SPATA22: variants seen among roughly 807,000 people sequenced by gnomAD.
SPATA22 encodes the protein spermatogenesis-associated protein 22.
A neutral mutation model predicts 47.8 loss-of-function variants in SPATA22; 29 were observed. That is an observed-to-expected ratio of 0.61 (90% CI 0.45 to 0.83). The LOEUF is 0.83. Among genes scored for constraint, SPATA22 ranks in the 40% least tolerant of loss-of-function variants. The pLI is 0.00. For missense variants in SPATA22, 410 were observed against 421.7 expected (o/e 0.97, Z 0.24); for synonymous variants, 133 against 140.9 (o/e 0.94, Z 0.40).
rs2072564841 is a variant in SPATA22 at position 3,440,155 on chromosome 17, C to A, written c.1084G>T (p.Glu362Ter). ...CTTCCTTTTATCACTACTTAAGTTT[C>A]ATTCATCACATTAATATAATACTGC... is the stretch of plus-strand genomic sequence containing the variant. ...EMQYYINVMNET is the reference protein window; with the variant it reads ...EMQYYINVMN The change falls in exon 9 of 9, where the codon GAA becomes TAA. Residue 362 changes from glutamate (E) to a stop codon, truncating the protein, a stop_gained. Transcript: ENST00000572969. LOFTEE classifies it high-confidence loss of function. The A allele has an allele frequency of 1.3e-6, 2 of 1,549,914 alleles. No homozygotes were observed. Among genetic ancestry groups the A allele is most frequent in the South Asian group, 1.2e-5 (1 of 80,788 alleles).
chr17:3,482,662 T>C (rs2073650569), intron 1 of SPATA22, among the ~76,000 whole-genome samples: 1 of 152,204 alleles, frequency 6.6e-6, no homozygotes, highest in Admixed American at 6.5e-5. Context: ...ATTTAAAACA[T>C]TTAGCCTCAT....
chr17:3,462,401 A>T (rs1031735440), intron 5 of SPATA22, 82 bp downstream of exon 5: 1 of 916,352 alleles, frequency 1.1e-6, no homozygotes, highest in Non-Finnish European at 1.7e-6. Context: ...GAAACAACGA[A>T]GTGAAGGAGG....
upstream of SPATA22, chr17:3,472,495 C>T (rs997490407): frequency 3.3e-5 from 5 of 152,280 alleles, no homozygotes; most frequent in African/African-American, 1.2e-4. Context: ...TCTGGACCTA[C>T]CAGTAAAAGA....
At chr17:3,504,366 C>T (rs911176346) in intron 1 of SPATA22, among the ~76,000 whole-genome samples, 1 of 152,116 alleles carries the variant, frequency 6.6e-6, no homozygotes, top group Non-Finnish European at 1.5e-5. Context: ...TCATCTTCCA[C>T]CAATGGCCCT....
Position 3,448,878 on chromosome 17 carries a change from T to C in SPATA22, c.601A>G (p.Lys201Glu). Residue 201 changes from lysine (K) to glutamate (E), a missense_variant, in exon 6 of 9, where the codon AAG becomes GAG. Coordinates refer to ENST00000572969, the MANE Select transcript of SPATA22 (RefSeq NM_001170698.2). ...LDKNSALQTL[K>E]PNFQQNQYKK... ...TATTGATTTTGTTGAAAATTGGGCTTAAGTGTCTGTAGTGCACTGTTTTTG... is the reference window on the plus strand; with the variant it reads ...TATTGATTTTGTTGAAAATTGGGCTCAAGTGTCTGTAGTGCACTGTTTTTG... 2 of 1,613,812 alleles carry C rather than the reference T, an allele frequency of 1.2e-6. No homozygotes were observed. The highest frequency in any genetic ancestry group is 1.7e-6 in the Non-Finnish European group (2 of 1,179,890).
chr17:3,445,661 A>G (rs755876870), intron 7 of SPATA22, among the ~76,000 whole-genome samples: 1 of 152,174 alleles, frequency 6.6e-6, no homozygotes, highest in Admixed American at 6.6e-5. Context: ...CTGAGTCTCT[A>G]TTGAATCCAA....
intron 6 of SPATA22, among the ~76,000 whole-genome samples, chr17:3,446,987 A>G (rs2150698755): frequency 6.6e-6 from 1 of 152,244 alleles, no homozygotes; most frequent in African/African-American, 2.4e-5. Context: ...TTCGTTTCAA[A>G]AGTGTTTACT....
intron 1 of SPATA22, among the ~76,000 whole-genome samples, chr17:3,493,407 A>C (rs1654180157): frequency 6.6e-6 from 1 of 151,972 alleles, no homozygotes; most frequent in Non-Finnish European, 1.5e-5. Flanking sequence ...CTAAAAATAC[A>C]AAAATTAGCC....
intron 6 of SPATA22, 42 bp downstream of exon 6, chr17:3,448,765 T>C: frequency 6.9e-7 from 1 of 1,439,126 alleles, no homozygotes; most frequent in Non-Finnish European, 9.4e-7. Context: ...CTCATATTTT[T>C]AAAAATGTAA....
chr17:3,491,953 A>G (rs1018965328), intron 1 of SPATA22, among the ~76,000 whole-genome samples: 3 of 145,702 alleles, frequency 2.1e-5, no homozygotes, highest in African/African-American at 5.1e-5. Flanking sequence ...TCACAGCTCA[A>G]TGGAGCCTCA....
At chr17:3,505,823 T>C (rs943591198) in intron 1 of SPATA22, among the ~76,000 whole-genome samples, 8 of 151,218 alleles carry the variant, frequency 5.3e-5, no homozygotes, top group Non-Finnish European at 7.4e-5. Flanking sequence ...AGTGGCATGA[T>C]CTCCGCTCAC....
rs1374282739 is a variant in SPATA22 at position 3,465,253 on chromosome 17, C to T, written c.172+2173G>A. 3.6e-3 allele frequency among the ~76,000 whole-genome samples: 392 copies of T among 108,346 alleles called. 4 individuals carry two copies. The highest frequency in any genetic ancestry group is 0.013 in the African/African-American group (370 of 29,350). The allele number at this position is 108,346 out of a possible 152,430, so 71.1% of individuals were successfully genotyped here. ...CTGGGAAGTGAGGAGCCCCTCTGCCCGGCCACCACCCCGTCTGGGAGGTGT... is the reference window on the plus strand; with the variant it reads ...CTGGGAAGTGAGGAGCCCCTCTGCCTGGCCACCACCCCGTCTGGGAGGTGT... On this transcript the variant is annotated intron_variant, in intron 3 of 8. Coordinates refer to ENST00000572969, the MANE Select transcript of SPATA22 (RefSeq NM_001170698.2).
At chr17:3,507,649 G>T (rs1327372534) in intron 1 of SPATA22, among the ~76,000 whole-genome samples, 1 of 152,180 alleles carries the variant, frequency 6.6e-6, no homozygotes, top group African/African-American at 2.4e-5. Context: ...AACTTCGCAT[G>T]TCATTCCGTC....
At chr17:3,469,766 T>C (rs1407570765) in intron 1 of SPATA22, among the ~76,000 whole-genome samples, 1 of 152,158 alleles carries the variant, frequency 6.6e-6, no homozygotes, top group Non-Finnish European at 1.5e-5. Flanking sequence ...AACACAGTAT[T>C]TAGCCACCGG....
At chr17:3,502,912 G>A (rs547581857) in intron 1 of SPATA22, 3 of 152,362 alleles carry the variant, frequency 2.0e-5, no homozygotes, top group East Asian at 3.9e-4. Context: ...CAACAACAGG[G>A]CACTGGACAC....
At chr17:3,481,687 T>C (rs575699339) in intron 1 of SPATA22, 1 of 1,613,908 alleles carries the variant, frequency 6.2e-7, no homozygotes, top group Non-Finnish European at 8.5e-7. Flanking sequence ...ACAGTGAAGA[T>C]TCCTATGACA....
chr17:3,447,816 C>G (rs1038253230), intron 6 of SPATA22, among the ~76,000 whole-genome samples: 2 of 152,064 alleles, frequency 1.3e-5, no homozygotes, highest in Non-Finnish European at 2.9e-5. Context: ...GTGAGAAAAC[C>G]CAACCTTTCC....
At chr17:3,463,764 G>A (rs989443520) in intron 3 of SPATA22, among the ~76,000 whole-genome samples, 11 of 152,166 alleles carry the variant, frequency 7.2e-5, no homozygotes, top group Admixed American at 7.2e-4. Flanking sequence ...CCATCACACA[G>A]GTGGTGTGAT....
At chr17:3,482,488 A>G (rs968187196) in intron 1 of SPATA22, among the ~76,000 whole-genome samples, 4 of 152,178 alleles carry the variant, frequency 2.6e-5, no homozygotes, top group Non-Finnish European at 4.4e-5. Flanking sequence ...AGGATGATTG[A>G]GAGGAAAGAG....
Sources: gnomAD v4.1 joint callset for allele counts (sites outside exome capture counted in the v4.1 genomes callset) on GRCh38, gnomAD v4.1.1 for gene constraint, MANE v1.5 for transcripts, NCBI Gene and HGNC (gene_info 2026-07-23, HGNC 2026-07-21) for gene names.